The following FLNA variants were observed in gnomAD, a reference collection of about 807,000 sequenced individuals.
FLNA encodes filamin A.
A neutral mutation model predicts 157.6 loss-of-function variants in FLNA; 7 were observed. The observed-to-expected ratio is 0.04, with a 90% CI of 0.03 to 0.08. FLNA has a LOEUF of 0.08. FLNA is among the 10% of genes least tolerant of loss of function. FLNA has a pLI of 1.00. For missense variants in FLNA, 1,750 were observed against 2,398.4 expected, an observed-to-expected ratio of 0.73 and a Z score of 5.65; for synonymous variants, 1,103 against 1,060.8, an observed-to-expected ratio of 1.04 and a Z score of -0.77.
chrX:154,356,652 G>A (rs868953689), intron 30 of FLNA, among the ~76,000 whole-genome samples: 4 of 90,341 alleles, frequency 4.4e-5, no homozygotes, highest in Admixed American at 1.2e-4. Flanking sequence ...CTGGGGGATA[G>A]GGGAAGGGGG....
In FLNA at chrX:154,359,149, G is replaced by A; in HGVS notation, c.4309C>T (p.Pro1437Ser). Residue 1437 changes from proline to serine, a missense_variant, in exon 26 of 48, where the codon CCT (proline) becomes TCT (serine). Pro to Ser is a moderately conservative substitution (Grantham distance 74). Coordinates refer to ENST00000369850, the MANE Select transcript of FLNA (RefSeq NM_001110556.2). ...ACATCATGCACAGGGACCTTGAAAG[G>A]ACTGCCTGAGGGTTGGGGCAAAGGG... Reference protein sequence around the residue: ...TYGGHQVPGSPFKVPVHDVTD... With the variant: ...TYGGHQVPGSSFKVPVHDVTD... 1 of 1,211,357 alleles carries A rather than the reference G, an allele frequency of 8.3e-7. No individual in the cohort carries two copies. The highest frequency in any genetic ancestry group is 1.1e-6 in the Non-Finnish European group (1 of 895,553).
In FLNA at chrX:154,350,014, C is replaced by A. The variant is rs781940800; in HGVS notation, c.7333+17G>T. On this transcript the variant is annotated intron_variant, in intron 45 of 47. Coordinates refer to ENST00000369850, the MANE Select transcript of FLNA (RefSeq NM_001110556.2). Reference sequence around the variant, plus strand: ...TAGCAGCTGTGTGCACACGTGCAGCCGCACCGACAGACTTACCTGTGACAC... The same window carrying A: ...TAGCAGCTGTGTGCACACGTGCAGCAGCACCGACAGACTTACCTGTGACAC... 22 of 1,207,931 alleles carry A rather than the reference C, an allele frequency of 1.8e-5. No individual in the cohort carries two copies. The Middle Eastern group carries it at 6.9e-4, about 38-fold the overall frequency.
intron 1 of FLNA, among the ~76,000 whole-genome samples, chrX:154,374,290 C>T (rs1306821774): frequency 8.9e-6 from 1 of 112,637 alleles, no homozygotes; most frequent in Non-Finnish European, 1.9e-5. Flanking sequence ...AGACATGGCT[C>T]GTGGGTCAAC....
Position 154,352,543 on chromosome X carries a change from C to T in FLNA, c.6502+10G>A, listed in dbSNP as rs1404710678. On this transcript the variant is annotated intron_variant, in intron 40 of 47. Transcript: ENST00000369850. ...CCAGGACCCCTCCCCAGGCTTCCCACAGCCCCTACCAGGGATTTTCAGGCT... is the reference window on the plus strand; with the variant it reads ...CCAGGACCCCTCCCCAGGCTTCCCATAGCCCCTACCAGGGATTTTCAGGCT... The T allele has an allele frequency of 1.7e-6, 2 of 1,210,512 alleles. No homozygotes were observed. The highest frequency in any genetic ancestry group is 1.7e-5 in the African/African-American group (1 of 57,550).
Position 154,371,326 on chromosome X carries a change from G to T in FLNA, c.-81C>A, listed in dbSNP as rs1372096781. 2.7e-6 allele frequency: 3 copies of T among 1,125,621 alleles called. No individual in the cohort carries two copies. The South Asian group carries it at 5.8e-5, about 22-fold the overall frequency. 92.8% of individuals were successfully genotyped at this position (1,125,621 alleles called of 1,213,427 possible). ...CTTTAATTAAAGTCGCAGGCACCTA[G>T]GCGCGCGGGAGGCGAGGCAGGGAGC... On this transcript the variant is annotated 5_prime_UTR_variant, in exon 2 of 48. Coordinates refer to ENST00000369850, the MANE Select transcript of FLNA (RefSeq NM_001110556.2).
Position 154,349,570 on chromosome X carries a change from A to C in FLNA, c.7553-5T>G. The C allele has an allele frequency of 8.3e-7, 1 of 1,211,701 alleles. No homozygotes were observed. The highest frequency in any genetic ancestry group is 1.1e-6 in the Non-Finnish European group (1 of 895,054). ...GGTTGCTGACGAGACGGGGGCCTGCAAGGCAGAGTGGGTGGGGCTAAGAGG... is the reference window on the plus strand; with the variant it reads ...GGTTGCTGACGAGACGGGGGCCTGCCAGGCAGAGTGGGTGGGGCTAAGAGG... On this transcript the variant is annotated splice_region_variant and splice_polypyrimidine_tract_variant and intron_variant, in intron 46 of 47. Coordinates refer to ENST00000369850, the MANE Select transcript of FLNA (RefSeq NM_001110556.2).
chrX:154,353,378 G>A lies in FLNA; in HGVS notation c.5940C>T (p.Leu1980=). 8.3e-7 allele frequency: 1 copy of A among 1,211,922 alleles called. No homozygotes were observed. The highest frequency in any genetic ancestry group is 1.1e-6 in the Non-Finnish European group (1 of 895,596). The change falls in exon 37 of 48, where the codon CTC becomes CTT. Residue 1980 remains leucine (L), a synonymous_variant. Transcript: ENST00000369850. ...GGACCACAGTGGCCGTCAGCAGGCT[G>A]AGATCCGTCTCTGAGATGTTGATGG... ...DIPINISETD[L]SLLTATVVPP...
rs782632029 is a variant in FLNA, at chrX:154,360,539, C to T, written c.3256G>A (p.Ala1086Thr). Residue 1086 changes from alanine to threonine, a missense_variant, in exon 22 of 48, where the codon GCC (alanine) becomes ACC (threonine). Around this residue, in one of 5 missense-constraint regions of FLNA, gnomAD observed 648 missense variants for 805.8 expected, o/e 0.80. Coordinates refer to ENST00000369850, the MANE Select transcript of FLNA (RefSeq NM_001110556.2). ...CCCTTGGTGTCGATGGTGAAGCGGG[C>T]GGGGGAGCCCGCACTGCCTCCCTGC... ...GLQGGSAGSPARFTIDTKGAG... is the reference protein window; with the variant it reads ...GLQGGSAGSPTRFTIDTKGAG... The T allele has an allele frequency of 4.1e-6, 5 of 1,209,564 alleles. No homozygotes were observed. Among genetic ancestry groups the T allele is most frequent in the Middle Eastern group, 2.3e-4 (1 of 4,354 alleles).
chrX:154,353,248 C>T (rs374688865), intron 37 of FLNA, 44 bp from the exon 38 acceptor site: 21 of 1,209,420 alleles, frequency 1.7e-5, no homozygotes, highest in Middle Eastern at 4.6e-4. Context: ...GCATGGCTCC[C>T]CACAGGCTGC....
At chrX:154,372,728 GTT>G (rs59074156) in intron 1 of FLNA, among the ~76,000 whole-genome samples, 113 of 98,236 alleles carry the variant, frequency 1.2e-3, no homozygotes, top group African/African-American at 3.9e-3. Context: ...TCCTCTGAGT[GTT>G]TTTTTTTTTT....
rs782217889 is a variant in FLNA at position 154,358,523 on chromosome X, T to C, written c.4520A>G (p.Gln1507Arg). Residue 1507 changes from glutamine to arginine, a missense_variant, in exon 27 of 48, where the codon CAG becomes CGG. Coordinates refer to ENST00000369850, the MANE Select transcript of FLNA (RefSeq NM_001110556.2). ...TCGGCTGGGCACATAATTGACGGTC[T>C]GGGTGCCATCAGCGTTGTCTACCAC... ...VDVVDNADGT[Q>R]TVNYVPSREG... 1.7e-6 allele frequency: 2 copies of C among 1,208,352 alleles called. No homozygotes were observed. The highest frequency in any genetic ancestry group is 2.2e-6 in the Non-Finnish European group (2 of 894,121).
intron 42 of FLNA, 83 bp from the exon 43 acceptor site, chrX:154,351,779 C>T: frequency 8.7e-7 from 1 of 1,150,748 alleles, no homozygotes. Flanking sequence ...GCCCTGTGAC[C>T]TCAAAGTGAA....
chrX:154,354,119 C>T (rs782247089), intron 34 of FLNA, 32 bp downstream of exon 34: 32 of 1,210,531 alleles, frequency 2.6e-5, no homozygotes, highest in Middle Eastern at 2.3e-4. Context: ...GAGGTGGTGG[C>T]GGTGGAGTGG....
intron 30 of FLNA, among the ~76,000 whole-genome samples, chrX:154,355,597 C>T (rs1557176742): frequency 1.8e-5 from 2 of 113,331 alleles, no homozygotes; most frequent in African/African-American, 3.2e-5. Context: ...AGAAGGCTCG[C>T]GGTGAAAAGC....
At chrX:154,363,286 T>C (rs1557178483) in intron 15 of FLNA, among the ~76,000 whole-genome samples, 1 of 111,016 alleles carries the variant, frequency 9.0e-6, no homozygotes, top group Non-Finnish European at 1.9e-5. Flanking sequence ...AATGGTGGCG[T>C]ATGCCTGCAA....
chrX:154,351,512 G>GTC, intron 43 of FLNA, 69 bp downstream of exon 43: 1 of 737,437 alleles, frequency 1.4e-6, no homozygotes, highest in Non-Finnish European at 2.1e-6. Flanking sequence ...CCAAGGCCTG[G>GTC]TCTCTGCGGT....
Position 154,348,732 on chromosome X carries a change from G to T in FLNA, c.*117C>A. ...GCGCAGCACGGCACAGGGCAGGGGC[G>T]GCTGCAGTGACAGGCGGGCGGCCAG... is the stretch of plus-strand genomic sequence containing the variant. On this transcript the variant is annotated 3_prime_UTR_variant, in exon 48 of 48. Coordinates refer to ENST00000369850, the MANE Select transcript of FLNA (RefSeq NM_001110556.2). The T allele has an allele frequency of 1.5e-6, 1 of 654,775 alleles. No homozygotes were observed. The highest frequency in any genetic ancestry group is 2.3e-6 in the Non-Finnish European group (1 of 432,656). The allele number at this position is 654,775 out of a possible 1,213,427, so 54.0% of individuals were successfully genotyped here.
intron 15 of FLNA, among the ~76,000 whole-genome samples, chrX:154,363,212 G>T (rs1403354013): frequency 1.8e-5 from 2 of 109,305 alleles, no homozygotes; most frequent in East Asian, 5.9e-4. Flanking sequence ...GGGTCAGGCG[G>T]TTGAGACCAG....
At chrX:154,354,355 G>C in intron 33 of FLNA, 26 bp downstream of exon 33, 1 of 1,210,899 alleles carries the variant, frequency 8.3e-7, no homozygotes. Context: ...CTTGGCTCCC[G>C]AGCTCCTTCC....
Sources: gnomAD v4.1 joint callset for allele counts (sites outside exome capture counted in the v4.1 genomes callset) on GRCh38, gnomAD v4.1.1 for gene constraint, gnomAD v4.1.1 regional missense constraint, MANE v1.5 for transcripts, NCBI Gene and HGNC (gene_info 2026-07-23, HGNC 2026-07-21) for gene names.